The following PTPRG variants were observed in gnomAD, a reference collection of about 807,000 sequenced individuals.
The protein encoded by PTPRG is protein tyrosine phosphatase receptor type G.
In PTPRG, 102 loss-of-function variants were observed where a neutral mutation model predicts 165.3. The ratio of observed to expected loss-of-function variants is 0.62; its 90% CI spans 0.53 to 0.73. PTPRG has a LOEUF of 0.73. Among genes scored for constraint, PTPRG ranks in the 30% least tolerant of loss-of-function variants. PTPRG has a pLI of 0.00. For synonymous variants in PTPRG, 675 were observed against 669.5 expected (o/e 1.01, Z -0.13); for missense variants, 1,866 against 1,861.4 (o/e 1.00, Z -0.05).
Position 61,781,010 on chromosome 3 carries a change from A to G in PTPRG, c.190+32028A>G, listed in dbSNP as rs548857278. The stretch of plus-strand genomic sequence containing the variant: ...ATTTTGGTAATTATGTAGCTCTTAG[A>G]GTATTTGACTTGGGTCTCTTTAGTT... On this transcript the variant is annotated intron_variant, in intron 2 of 29. Coordinates refer to ENST00000474889, the MANE Select transcript of PTPRG (RefSeq NM_002841.4). Among the ~76,000 whole-genome samples the G allele has an allele frequency of 3.9e-5, 6 of 152,320 alleles. No individual in the cohort carries two copies. The South Asian group carries it at 1.2e-3, about 32-fold the overall frequency.
At chr3:61,720,478 G>A (rs2032000723) in intron 1 of PTPRG, among the ~76,000 whole-genome samples, 1 of 152,170 alleles carries the variant, frequency 6.6e-6, no homozygotes, top group Non-Finnish European at 1.5e-5. Flanking sequence ...AAAAATGCAT[G>A]CATTATAGTG....
chr3:62,116,101 G>A (rs1421698100), intron 5 of PTPRG, among the ~76,000 whole-genome samples: 1 of 152,122 alleles, frequency 6.6e-6, no homozygotes, highest in Admixed American at 6.6e-5. Flanking sequence ...GTCTCAAGGA[G>A]GTTAAGTTAC....
chr3:62,112,957 G>A (rs979221132), intron 5 of PTPRG, among the ~76,000 whole-genome samples: 1 of 152,052 alleles, frequency 6.6e-6, no homozygotes, highest in African/African-American at 2.4e-5. Flanking sequence ...TTCACCTTTC[G>A]GAGCAGACCG....
chr3:61,620,534 G>A lies in PTPRG; in HGVS notation c.85+58162G>A, dbSNP rs531222625. 4.9e-4 allele frequency among the ~76,000 whole-genome samples: 74 copies of A among 152,266 alleles called. 5 individuals are homozygous for A. In the South Asian group the frequency reaches 0.015, roughly 32 times the overall value. ...TCAAGGAGAGACTGAAATGAAACTT[G>A]AGGGTTTTTTTTGTTCCTCGTCCGG... On this transcript the variant is annotated intron_variant, in intron 1 of 29. Transcript: ENST00000474889.
At chr3:61,894,312 A>AAAAAAAAAAAAAAAAAAAAAAG (rs2038294522) in intron 2 of PTPRG, among the ~76,000 whole-genome samples, 1 of 108,644 alleles carries the variant, frequency 9.2e-6, no homozygotes, top group African/African-American at 4.5e-5. Flanking sequence ...AAAAAAAAAA[A>AAAAAAAAAAAAAAAAAAAAAAG]AAAAAAAAAA....
At chr3:62,080,201 G>C (rs1701520979) in intron 5 of PTPRG, among the ~76,000 whole-genome samples, 1 of 151,262 alleles carries the variant, frequency 6.6e-6, no homozygotes, top group Non-Finnish European at 1.5e-5. Flanking sequence ...CTGAGTAGCT[G>C]GGAATTACAG....
intron 4 of PTPRG, among the ~76,000 whole-genome samples, chr3:62,067,953 T>C (rs1012115147): frequency 2.4e-4 from 36 of 152,174 alleles, no homozygotes; most frequent in African/African-American, 8.4e-4. Context: ...AGCTTTGTAC[T>C]AGGACCCTAG....
intron 2 of PTPRG, among the ~76,000 whole-genome samples, chr3:61,796,575 T>TCCC (rs892565384): frequency 5.9e-5 from 9 of 152,182 alleles, no homozygotes; most frequent in Non-Finnish European, 1.2e-4. Flanking sequence ...TGTGGCAAGG[T>TCCC]CATAGGATAG....
Position 62,275,869 on chromosome 3 carries a change from TCAGC to T in PTPRG, c.3466-3_3466del. 4 of 1,596,900 alleles carry T rather than the reference TCAGC, an allele frequency of 2.5e-6. No homozygotes were observed. The highest frequency in any genetic ancestry group is 3.5e-5 in the Admixed American group (2 of 57,548). ...TGAAGACTAAAATGTTTTTTCTTTT[TCAGC>T]TGGTCACACAGTGTAATGCAAAATA... On this transcript the variant is annotated splice_acceptor_variant and splice_polypyrimidine_tract_variant and coding_sequence_variant and intron_variant, in exon 24 of 30. Transcript: ENST00000474889. LOFTEE classifies it high-confidence loss of function.
chr3:61,990,088 TAGA>T (rs1297735906), intron 3 of PTPRG, among the ~76,000 whole-genome samples: 1 of 151,884 alleles, frequency 6.6e-6, no homozygotes, highest in Non-Finnish European at 1.5e-5. Flanking sequence ...GTAAGGTATG[TAGA>T]AGGACTTTCA....
chr3:61,751,138 T>C (rs2033411228), intron 2 of PTPRG: 2 of 152,240 alleles, frequency 1.3e-5, no homozygotes, highest in Non-Finnish European at 2.9e-5. Context: ...TGGCTCATGC[T>C]GACGTGGTGC....
At chr3:61,753,626 C>T (rs1406163472) in intron 2 of PTPRG, 1 of 405,450 alleles carries the variant, frequency 2.5e-6, no homozygotes. Context: ...GCTCTTTCAC[C>T]CAGGCTGGAG....
intron 5 of PTPRG, among the ~76,000 whole-genome samples, chr3:62,108,557 C>T (rs1400949261): frequency 6.6e-6 from 1 of 152,136 alleles, no homozygotes; most frequent in Non-Finnish European, 1.5e-5. Flanking sequence ...TGAGTATATG[C>T]CCAGTAATGG....
At chr3:61,904,436 A>C (rs1205538800) in intron 2 of PTPRG, among the ~76,000 whole-genome samples, 1 of 152,182 alleles carries the variant, frequency 6.6e-6, no homozygotes, top group East Asian at 1.9e-4. Flanking sequence ...CTACAGGCCC[A>C]AGCAAATGTG....
At chr3:62,037,871 C>T (rs558153518) in intron 4 of PTPRG, among the ~76,000 whole-genome samples, 1 of 152,250 alleles carries the variant, frequency 6.6e-6, no homozygotes, top group Admixed American at 6.5e-5. Context: ...ATCATGAGGG[C>T]CCCACTGTCA....
At chr3:61,574,685 G>GTT (rs914129384) in intron 1 of PTPRG, among the ~76,000 whole-genome samples, 1 of 152,156 alleles carries the variant, frequency 6.6e-6, no homozygotes, top group Non-Finnish European at 1.5e-5. Context: ...AGACTGGGTA[G>GTT]TTTATAAAGA....
At chr3:61,702,279 A>G (rs1470219084) in intron 1 of PTPRG, among the ~76,000 whole-genome samples, 2 of 151,900 alleles carry the variant, frequency 1.3e-5, no homozygotes, top group East Asian at 1.9e-4. Flanking sequence ...GCGTCTGGCC[A>G]TGAATAGTAG....
At chr3:62,193,698 C>G (rs1317635365) in intron 9 of PTPRG, among the ~76,000 whole-genome samples, 4 of 152,192 alleles carry the variant, frequency 2.6e-5, no homozygotes, top group East Asian at 3.9e-4. Flanking sequence ...CCTAGCCTAC[C>G]CCTCTCACTA....
At chr3:61,748,669 G>A (rs1056604622) in intron 1 of PTPRG, among the ~76,000 whole-genome samples, 2 of 151,492 alleles carry the variant, frequency 1.3e-5, no homozygotes, top group Admixed American at 6.6e-5. Context: ...CAAAGTAAAG[G>A]TTCCTTGTCA....
Sources: allele counts gnomAD v4.1 joint callset (sites outside exome capture counted in the v4.1 genomes callset), GRCh38; gene constraint gnomAD v4.1.1; transcripts MANE v1.5; gene names NCBI Gene and HGNC (gene_info 2026-07-23, HGNC 2026-07-21).